The following OC90 variants were observed in gnomAD, a reference collection of about 807,000 sequenced individuals.
The protein encoded by OC90 is otoconin-90.
Under a neutral mutation model 47.3 loss-of-function variants are expected in OC90, and 46 were observed. The ratio of observed to expected loss-of-function variants is 0.97; its 90% CI spans 0.77 to 1.24. The LOEUF (loss-of-function observed/expected upper bound fraction) is 1.24, where lower values mean the gene tolerates loss of function less well. Ranked by LOEUF, OC90 falls within the 50% of genes most tolerant of loss-of-function variation. The probability of loss-of-function intolerance (pLI) is 0.00; values close to 1 mark genes in which losing one functional copy is unlikely to be tolerated. For synonymous variants in OC90, 271 were observed against 219.5 expected (o/e 1.23, Z -2.07); for missense variants, 688 against 583.9 (o/e 1.18, Z -1.84).
At chr8:132,040,981 G>A (rs1412905158) in intron 6 of OC90, 63 bp downstream of exon 6, 4 of 1,007,830 alleles carry the variant, frequency 4.0e-6, no homozygotes, top group Non-Finnish European at 4.8e-6. Flanking sequence ...GCCTGGTCCA[G>A]GCTTGGGATC....
intron 2 of OC90, among the ~76,000 whole-genome samples, chr8:132,049,047 T>C (rs1470069184): frequency 6.6e-6 from 1 of 151,566 alleles, no homozygotes; most frequent in Non-Finnish European, 1.5e-5. Flanking sequence ...AACAATGAGG[T>C]TGACGATGAA....
chr8:132,036,463 T>G (rs1822965294), intron 9 of OC90: 1 of 779,100 alleles, frequency 1.3e-6, no homozygotes, highest in Admixed American at 1.7e-5. Context: ...TTCAGCTAGG[T>G]GCCAAAGCCA....
intron 1 of OC90, among the ~76,000 whole-genome samples, chr8:132,056,743 T>C (rs1238539708): frequency 1.3e-5 from 2 of 152,094 alleles, no homozygotes; most frequent in Admixed American, 1.3e-4. Flanking sequence ...GAAAGTCTTG[T>C]GGTTAGCAGA....
rs1421361135 is a variant in OC90, at chr8:132,045,805, T to C, written c.112+13A>G. 4 of 1,492,368 alleles carry C rather than the reference T, an allele frequency of 2.7e-6. No individual in the cohort carries two copies. The Admixed American group carries it at 5.9e-5, about 22-fold the overall frequency. 92.4% of individuals were successfully genotyped at this position (1,492,368 alleles called of 1,614,324 possible). A position where few individuals can be genotyped will look rare whatever the true frequency, so the allele number is the denominator to read the frequency against. The stretch of plus-strand genomic sequence containing the variant: ...TCTACTCTGCTCCTAAGAAAAGTTC[T>C]AAGAATCCTTACTGATATTGTTTGG... On this transcript the variant is annotated intron_variant, in intron 3 of 13. Transcript: ENST00000254627.
intron 1 of OC90, among the ~76,000 whole-genome samples, chr8:132,057,950 T>C (rs1823296941): frequency 6.6e-6 from 1 of 152,242 alleles, no homozygotes; most frequent in Non-Finnish European, 1.5e-5. Flanking sequence ...TCCAATACCC[T>C]AAACTGCTAG....
chr8:132,037,874 G>T (rs141214910), intron 8 of OC90, among the ~76,000 whole-genome samples: 150 of 152,296 alleles, frequency 9.8e-4, no homozygotes, highest in African/African-American at 3.4e-3. Flanking sequence ...GATATGACAT[G>T]CACATAAGCA....
Position 132,039,125 on chromosome 8 carries a change from T to G in OC90, c.458-2A>C. 1 of 1,601,586 alleles carries G rather than the reference T, an allele frequency of 6.2e-7. No individual in the cohort carries two copies. Among genetic ancestry groups the G allele is most frequent in the Non-Finnish European group, 8.5e-7 (1 of 1,173,982 alleles). ...GGTGCTCACAGTTGTCCTTGGACTCTGCACACAGCAAGAGCATAGCCAATT... is the reference window on the plus strand; with the variant it reads ...GGTGCTCACAGTTGTCCTTGGACTCGGCACACAGCAAGAGCATAGCCAATT... On this transcript the variant is annotated splice_acceptor_variant, in intron 6 of 13. Transcript: ENST00000254627. LOFTEE classifies it high-confidence loss of function.
chr8:132,055,101 G>A, intron 1 of OC90, 28 bp from the exon 2 acceptor site: 1 of 1,247,108 alleles, frequency 8.0e-7, no homozygotes, highest in Non-Finnish European at 1.1e-6. Context: ...AGAATAGGAT[G>A]GAAGCATTTT....
At chr8:132,037,412 T>C (rs1397741761) in intron 9 of OC90, 26 bp downstream of exon 9, 3 of 1,566,512 alleles carry the variant, frequency 1.9e-6, no homozygotes, top group Non-Finnish European at 2.6e-6. Context: ...TGTCTTTGGG[T>C]TCCACACTAG....
In OC90 at chr8:132,024,680, G is replaced by A. The variant is rs774130894; in HGVS notation, c.1235C>T (p.Ser412Phe). The change falls in exon 14 of 14, where the codon TCC becomes TTC. Residue 412 changes from serine (S) to phenylalanine (F), a missense_variant. Physicochemically the swap from Ser to Phe is radical, Grantham distance 155 (BLOSUM62 -2). Transcript: ENST00000254627. ...CCCAGGGCACCCGAGTCTGCTTGGG[G>A]ACTTGAGGCTTTGGTTAAAGGAGGC... ...TSASFNQSLKSPSRLGCPGQP... is the reference protein window; with the variant it reads ...TSASFNQSLKFPSRLGCPGQP... 16 of 1,613,536 alleles carry A rather than the reference G, an allele frequency of 9.9e-6. No homozygotes were observed. In the South Asian group the frequency reaches 1.6e-4, roughly 17 times the overall value.
chr8:132,035,668 C>G (rs1394090510), intron 9 of OC90, among the ~76,000 whole-genome samples: 1 of 152,152 alleles, frequency 6.6e-6, no homozygotes, highest in African/African-American at 2.4e-5. Flanking sequence ...CACAAATGCT[C>G]CATGAAAGAG....
chr8:132,058,319 A>C (rs1364900874), intron 1 of OC90, among the ~76,000 whole-genome samples: 2 of 152,146 alleles, frequency 1.3e-5, no homozygotes, highest in Non-Finnish European at 2.9e-5. Flanking sequence ...TACCTGGAGG[A>C]AAGACCTCCT....
chr8:132,029,946 C>A (rs537646801), intron 12 of OC90, among the ~76,000 whole-genome samples: 5 of 152,334 alleles, frequency 3.3e-5, no homozygotes, highest in Admixed American at 2.0e-4. Flanking sequence ...GAGGCCACAG[C>A]TCCAGCAGGG....
chr8:132,033,463 C>T (rs1822907331), intron 10 of OC90, among the ~76,000 whole-genome samples: 2 of 152,300 alleles, frequency 1.3e-5, no homozygotes, highest in South Asian at 4.1e-4. Flanking sequence ...GTATCACATG[C>T]CTGCCCAGTG....
chr8:132,035,188 G>A (rs1487235242), intron 9 of OC90, among the ~76,000 whole-genome samples: 3 of 152,242 alleles, frequency 2.0e-5, no homozygotes, highest in Non-Finnish European at 4.4e-5. Context: ...AGAGACAGCA[G>A]AATTGCGTGG....
At chr8:132,047,222 C>A (rs1373790334) in intron 2 of OC90, among the ~76,000 whole-genome samples, 1 of 152,218 alleles carries the variant, frequency 6.6e-6, no homozygotes. Context: ...AGTACCAGGA[C>A]TGGCACTACC....
chr8:132,032,178 C>T (rs1586707333), intron 11 of OC90, 126 bp from the exon 12 acceptor site: 6 of 790,348 alleles, frequency 7.6e-6, no homozygotes, highest in East Asian at 5.0e-5. Context: ...CCATGTCTTA[C>T]TCGTTGGCTC....
intron 12 of OC90, among the ~76,000 whole-genome samples, chr8:132,029,572 A>C (rs1822842411): frequency 6.6e-6 from 1 of 152,218 alleles, no homozygotes; most frequent in South Asian, 2.1e-4. Context: ...ATGGGCTAGC[A>C]GTAAGCTTAC....
rs533477741 is a variant in OC90 at position 132,039,091 on chromosome 8, T to C, written c.490A>G (p.Thr164Ala). The C allele has an allele frequency of 6.1e-5, 98 of 1,612,742 alleles. 4 individuals carry two copies. The South Asian group carries it at 1.1e-3, about 18-fold the overall frequency. The part of the protein sequence containing the change: ...SKDNCEHLLC[T>A]CDKAAIECLA... The stretch of plus-strand genomic sequence containing the variant: ...CACTCTATGGCAGCCTTATCACAGG[T>C]ACACAGCAGGTGCTCACAGTTGTCC... Residue 164 changes from threonine (T) to alanine (A), a missense_variant, in exon 7 of 14, where the codon ACC (threonine) becomes GCC (alanine). By Grantham distance (58) the Thr-to-Ala change is moderately conservative. Coordinates refer to ENST00000254627, the MANE Select transcript of OC90 (RefSeq NM_001080399.3).
Sources: gnomAD v4.1 joint callset for allele counts (sites outside exome capture counted in the v4.1 genomes callset) on GRCh38, gnomAD v4.1.1 for gene constraint, MANE v1.5 for transcripts, NCBI Gene and HGNC (gene_info 2026-07-23, HGNC 2026-07-21) for gene names.